Variants in FAM20A observed in about 807,000 individuals in gnomAD.
FAM20A encodes the protein pseudokinase FAM20A.
A neutral mutation model predicts 52.0 loss-of-function variants in FAM20A; 42 were observed. That is an observed-to-expected ratio of 0.81 (90% CI 0.63 to 1.04). The LOEUF (loss-of-function observed/expected upper bound fraction) is 1.04, where lower values mean the gene tolerates loss of function less well. Ranked by LOEUF, FAM20A falls within the 50% of genes least tolerant of loss-of-function variation. The pLI, the probability that FAM20A is intolerant of heterozygous loss-of-function variation, is 0.00. For missense variants in FAM20A, 742 were observed against 712.7 expected (o/e 1.04, Z -0.47); for synonymous variants, 304 against 298.9 (o/e 1.02, Z -0.18).
At chr17:68,595,082 G>A (rs1416960549) in intron 1 of FAM20A, among the ~76,000 whole-genome samples, 3 of 152,202 alleles carry the variant, frequency 2.0e-5, no homozygotes, top group African/African-American at 7.2e-5. Flanking sequence ...TAAAATAAGT[G>A]TATGTAATGT....
Position 68,537,838 on chromosome 17 carries a change from C to CTTGGCGCCTCT in FAM20A, c.1362-108_1362-98dup. 7.4e-7 allele frequency: 1 copy of CTTGGCGCCTCT among 1,348,136 alleles called. No homozygotes were observed. The highest frequency in any genetic ancestry group is 2.0e-5 in the Admixed American group (1 of 50,650). The allele number at this position is 1,348,136 out of a possible 1,614,324, so 83.5% of individuals were successfully genotyped here. A position where few individuals can be genotyped will look rare whatever the true frequency, so the allele number is the denominator to read the frequency against. On this transcript the variant is annotated intron_variant, in intron 10 of 10. Coordinates refer to ENST00000592554, the MANE Select transcript of FAM20A (RefSeq NM_017565.4). The surrounding 1 kb of genome is among the most constrained non-coding windows in gnomAD (Gnocchi z 4.2). ...ACAAACAGCTGTTGTAGCTGATACT[C>CTTGGCGCCTCT]TTGGCGCCTCTCCTTGTGTCTTCTC...
intron 1 of FAM20A, among the ~76,000 whole-genome samples, chr17:68,560,625 C>T (rs1057129220): frequency 1.5e-4 from 23 of 152,238 alleles, no homozygotes; most frequent in African/African-American, 5.3e-4. Flanking sequence ...TTATGCCGAG[C>T]GATGCTGGGA....
intron 1 of FAM20A, among the ~76,000 whole-genome samples, chr17:68,560,410 C>T (rs1359943973): frequency 6.6e-6 from 1 of 151,814 alleles, no homozygotes; most frequent in Non-Finnish European, 1.5e-5. Context: ...AGAGAGAAGG[C>T]TTCATCTATG....
intron 1 of FAM20A, chr17:68,558,305 G>A: frequency 2.3e-6 from 1 of 428,962 alleles, no homozygotes; most frequent in Non-Finnish European, 4.7e-6. Context: ...AATCTTGTGA[G>A]ATCCTAGCAG....
chr17:68,541,476 C>G (rs909996551), intron 7 of FAM20A: 1 of 187,636 alleles, frequency 5.3e-6, no homozygotes, highest in Non-Finnish European at 1.1e-5. Flanking sequence ...TCTTTTCCCA[C>G]GATGATCATG....
rs375553414 is a variant in FAM20A, at chr17:68,554,732, T to A, written c.640+45A>T. The A allele has an allele frequency of 2.6e-6, 4 of 1,554,806 alleles. No individual in the cohort carries two copies. The African/African-American group carries it at 6.5e-5, about 25-fold the overall frequency. ...GAGTGGGTTTTGGGGTTTGCACAGC[T>A]GTGAGGGTGAAGAGGCTGGGTGGGG... On this transcript the variant is annotated intron_variant, in intron 3 of 10. Coordinates refer to ENST00000592554, the MANE Select transcript of FAM20A (RefSeq NM_017565.4).
Position 68,536,897 on chromosome 17 carries a change from G to A in FAM20A, c.*580C>T. On this transcript the variant is annotated 3_prime_UTR_variant, in exon 11 of 11. Coordinates refer to ENST00000592554, the MANE Select transcript of FAM20A (RefSeq NM_017565.4). ...TTGCCACTTGTTATAATATCTCTAAGAAGTTACTCCAGGACCGGGCAGTAG... is the reference window on the plus strand; with the variant it reads ...TTGCCACTTGTTATAATATCTCTAAAAAGTTACTCCAGGACCGGGCAGTAG... 2 of 454,132 alleles carry A rather than the reference G, an allele frequency of 4.4e-6. No individual in the cohort carries two copies. The highest frequency in any genetic ancestry group is 8.8e-6 in the Non-Finnish European group (2 of 226,828). 28.1% of individuals were successfully genotyped at this position (454,132 alleles called of 1,614,324 possible).
In FAM20A at chr17:68,596,553, C is replaced by T. The variant is rs184947538; in HGVS notation, c.404+3710G>A. Among the ~76,000 whole-genome samples, 19 of 152,324 alleles carry T rather than the reference C, an allele frequency of 1.2e-4. No individual in the cohort carries two copies. The East Asian group carries it at 2.3e-3, about 19-fold the overall frequency. ...AGCTCAGTATCTAAGAATGCAAAGG[C>T]GAGCAACAGTGTGAACCATCACCTG... On this transcript the variant is annotated intron_variant, in intron 1 of 10. Coordinates refer to ENST00000592554, the MANE Select transcript of FAM20A (RefSeq NM_017565.4).
chr17:68,569,889 C>T (rs2087490670), intron 1 of FAM20A, among the ~76,000 whole-genome samples: 1 of 152,136 alleles, frequency 6.6e-6, no homozygotes, highest in Admixed American at 6.5e-5. Flanking sequence ...CATTGGCCTC[C>T]GGAGAGGTCC....
chr17:68,600,230 C>G lies in FAM20A; in HGVS notation c.404+33G>C. The stretch of plus-strand genomic sequence containing the variant: ...GCGCGGGGAGGCCCCGGCCAGAGCG[C>G]CCGCTCTCCCGCGTCCCGGGCGGGG... On this transcript the variant is annotated intron_variant, in intron 1 of 10. Transcript: ENST00000592554. The surrounding 1 kb of genome is among the most constrained non-coding windows in gnomAD (Gnocchi z 6.2). The G allele has an allele frequency of 1.9e-6, 3 of 1,547,710 alleles. No homozygotes were observed. Among genetic ancestry groups the G allele is most frequent in the Non-Finnish European group, 2.6e-6 (3 of 1,146,136 alleles).
At chr17:68,578,838 CAAAAAAAAAAAAA>C (rs5821664) in intron 1 of FAM20A, among the ~76,000 whole-genome samples, 3 of 36,058 alleles carry the variant, frequency 8.3e-5, no homozygotes, top group East Asian at 8.6e-4. Flanking sequence ...CTAAAAATAC[CAAAAAAAAAAAAA>C]AAAAAAAAAA....
chr17:68,596,201 C>CCACA (rs140687859), intron 1 of FAM20A, among the ~76,000 whole-genome samples: 2,856 of 149,560 alleles, frequency 0.019, 86 homozygotes, highest in African/African-American at 0.065. Flanking sequence ...ATGTGGGAAA[C>CCACA]CACACACACA....
chr17:68,597,177 TTC>T (rs1567754497), intron 1 of FAM20A, among the ~76,000 whole-genome samples: 1 of 151,856 alleles, frequency 6.6e-6, no homozygotes, highest in Non-Finnish European at 1.5e-5. Flanking sequence ...GAAGGATACT[TTC>T]TGACTTCATA....
chr17:68,575,772 TATTG>T (rs1404567326), intron 1 of FAM20A, among the ~76,000 whole-genome samples: 4 of 116,982 alleles, frequency 3.4e-5, no homozygotes, highest in East Asian at 2.4e-4. Context: ...ATATTTTATA[TATTG>T]TATATTTTAT....
chr17:68,565,873 C>G (rs1187867162), intron 1 of FAM20A, among the ~76,000 whole-genome samples: 1 of 152,172 alleles, frequency 6.6e-6, no homozygotes, highest in Non-Finnish European at 1.5e-5. Context: ...ACTTATTTCC[C>G]TCCTATGAAA....
chr17:68,567,440 G>C (rs1056059412), intron 1 of FAM20A, among the ~76,000 whole-genome samples: 1 of 151,906 alleles, frequency 6.6e-6, no homozygotes, highest in African/African-American at 2.4e-5. Context: ...CTCAGTTGTG[G>C]CTTCTGTTCT....
At chr17:68,557,607 C>A (rs2087091585) in intron 1 of FAM20A, 1 of 152,214 alleles carries the variant, frequency 6.6e-6, no homozygotes, top group South Asian at 2.1e-4. Context: ...AAATACATTT[C>A]TGTTGTTTAC....
At chr17:68,539,542 C>T (rs1432562002) in intron 9 of FAM20A, 146 bp from the exon 10 acceptor site, 2 of 752,506 alleles carry the variant, frequency 2.7e-6, no homozygotes, top group Non-Finnish European at 4.7e-6. Context: ...GCCCCTCTCC[C>T]CAGTCAGATC....
chr17:68,600,614 A>C lies in FAM20A; in HGVS notation c.53T>G (p.Leu18Arg), dbSNP rs1371741281. 2.0e-5 allele frequency: 31 copies of C among 1,562,838 alleles called. No individual in the cohort carries two copies. The highest frequency in any genetic ancestry group is 2.6e-5 in the Non-Finnish European group (30 of 1,158,368). The part of the protein sequence containing the change: ...RLLTLLLLGA[L>R]LSADLYFHLW... ...GTGGAAGTAGAGGTCGGCGGAGAGCAGCGCGCCCAGCAGCAGCAGAGTCAG... is the reference window on the plus strand; with the variant it reads ...GTGGAAGTAGAGGTCGGCGGAGAGCCGCGCGCCCAGCAGCAGCAGAGTCAG... Residue 18 changes from leucine (L) to arginine (R), a missense_variant, in exon 1 of 11, where the codon CTG becomes CGG. Physicochemically the swap from Leu to Arg is moderately radical, Grantham distance 102. Transcript: ENST00000592554. This position sits in a 1 kb window ranked among gnomAD's most constrained non-coding sequence, Gnocchi z 6.2.
Sources: allele counts gnomAD v4.1 joint callset (sites outside exome capture counted in the v4.1 genomes callset), GRCh38; gene constraint gnomAD v4.1.1; non-coding constraint Gnocchi (gnomAD v3.1); transcripts MANE v1.5; gene names NCBI Gene and HGNC (gene_info 2026-07-23, HGNC 2026-07-21).